Variants in ADAM23 observed in about 807,000 individuals in gnomAD.
ADAM23 encodes disintegrin and metalloproteinase domain-containing protein 23.
Under a neutral mutation model 120.1 loss-of-function variants are expected in ADAM23, and 33 were observed. The observed-to-expected ratio is 0.27, with a 90% confidence interval of 0.21 to 0.37. The LOEUF (loss-of-function observed/expected upper bound fraction) is 0.37. Among genes scored for constraint, ADAM23 ranks in the 10% least tolerant of loss-of-function variants. The pLI, the probability that ADAM23 is intolerant of heterozygous loss-of-function variation, is 1.00. For synonymous variants in ADAM23, 367 were observed against 375.2 expected (o/e 0.98, Z 0.25); for missense variants, 862 against 1,058.2 (o/e 0.81, Z 2.57).
intron 23 of ADAM23, among the ~76,000 whole-genome samples, chr2:206,595,676 T>C (rs1363381661): frequency 6.6e-6 from 1 of 152,232 alleles, no homozygotes; most frequent in Non-Finnish European, 1.5e-5. Flanking sequence ...AGTGGGTTCC[T>C]AGAAACAGTT....
intron 3 of ADAM23, among the ~76,000 whole-genome samples, chr2:206,508,668 AAAAAG>A (rs1216728747): frequency 7.8e-4 from 118 of 151,046 alleles, no homozygotes; most frequent in African/African-American, 2.4e-3. Context: ...AAAAAAAAAA[AAAAAG>A]AAAGAAAAAG....
chr2:206,550,576 G>A (rs1697493933), intron 9 of ADAM23, among the ~76,000 whole-genome samples: 1 of 149,744 alleles, frequency 6.7e-6, no homozygotes, highest in Non-Finnish European at 1.5e-5. Context: ...TATCTAAAGT[G>A]AATATCTTTG....
intron 18 of ADAM23, among the ~76,000 whole-genome samples, chr2:206,574,149 T>A (rs1327092960): frequency 6.6e-6 from 1 of 152,166 alleles, no homozygotes; most frequent in Non-Finnish European, 1.5e-5. Context: ...CAGAGGCACT[T>A]CTGCAGTGTT....
At chr2:206,467,611 T>C (rs1225419526) in intron 2 of ADAM23, among the ~76,000 whole-genome samples, 1 of 152,178 alleles carries the variant, frequency 6.6e-6, no homozygotes, top group African/African-American at 2.4e-5. Flanking sequence ...TGCCTGTGGC[T>C]TTTACAGGCA....
intron 3 of ADAM23, among the ~76,000 whole-genome samples, chr2:206,492,179 G>A (rs575376769): frequency 6.6e-6 from 1 of 152,298 alleles, no homozygotes; most frequent in African/African-American, 2.4e-5. Flanking sequence ...CATAGGAGGG[G>A]TACCTAACCC....
At chr2:206,571,044 T>C (rs1468011693) in intron 16 of ADAM23, among the ~76,000 whole-genome samples, 1 of 152,248 alleles carries the variant, frequency 6.6e-6, no homozygotes. Context: ...TAAAAATTTG[T>C]AGCTCATATT....
intron 24 of ADAM23, among the ~76,000 whole-genome samples, chr2:206,606,091 C>T (rs1698723710): frequency 6.6e-6 from 1 of 152,230 alleles, no homozygotes; most frequent in African/African-American, 2.4e-5. Context: ...TAACATAACA[C>T]TGGGTGTGCT....
intron 3 of ADAM23, among the ~76,000 whole-genome samples, chr2:206,525,215 G>T (rs145511090): frequency 6.6e-6 from 1 of 152,048 alleles, no homozygotes; most frequent in South Asian, 2.1e-4. Context: ...AGTTCTGCTG[G>T]TGAAGAAATG....
At chr2:206,545,347 G>A (rs530887213) in intron 6 of ADAM23, among the ~76,000 whole-genome samples, 17 of 152,226 alleles carry the variant, frequency 1.1e-4, no homozygotes, top group South Asian at 1.0e-3. Context: ...TTAGCTGGGC[G>A]TGGTGACGGG....
chr2:206,576,277 C>CT (rs1039416106), intron 18 of ADAM23, among the ~76,000 whole-genome samples: 3 of 151,006 alleles, frequency 2.0e-5, no homozygotes, highest in African/African-American at 7.3e-5. Context: ...GTTTTAAAAA[C>CT]TTCTGTGTAT....
intron 9 of ADAM23, 80 bp from the exon 10 acceptor site, chr2:206,557,347 G>T (rs1697666407): frequency 3.6e-6 from 4 of 1,100,354 alleles, no homozygotes; most frequent in Non-Finnish European, 5.6e-6. Flanking sequence ...CTATTACTGA[G>T]ATATTTCTGC....
At chr2:206,518,130 T>G (rs1472954580) in intron 3 of ADAM23, among the ~76,000 whole-genome samples, 1 of 152,202 alleles carries the variant, frequency 6.6e-6, no homozygotes, top group African/African-American at 2.4e-5. Flanking sequence ...TGTCTTAAAG[T>G]TCTGATTTAT....
Position 206,609,553 on chromosome 2 carries a change from G to C in ADAM23, c.2360-357G>C, listed in dbSNP as rs774597702. Among the ~76,000 whole-genome samples, 26 of 152,258 alleles carry C rather than the reference G, an allele frequency of 1.7e-4. No individual in the cohort carries two copies. The South Asian group carries it at 2.7e-3, about 16-fold the overall frequency. On this transcript the variant is annotated intron_variant, in intron 24 of 25. Coordinates refer to ENST00000264377, the MANE Select transcript of ADAM23 (RefSeq NM_003812.4). ...AGTCAGATGGAGCTTGTCTGAATGC[G>C]ATGGTGTTCTCTCTGTGCTTTTACT...
intron 25 of ADAM23, among the ~76,000 whole-genome samples, chr2:206,614,415 C>CAGCACTTTGGT (rs3836087): frequency 0.85 from 129,321 of 151,878 alleles, 55,297 homozygotes; most frequent in African/African-American, 0.92. Context: ...CCTGTAATCC[C>CAGCACTTTGGT]AGGCTGAGGT....
Position 206,445,360 on chromosome 2 carries a change from G to C in ADAM23, c.268G>C (p.Asp90His). Residue 90 changes from aspartate (D) to histidine (H), a missense_variant, in exon 2 of 26, where the codon GAC becomes CAC. Physicochemically the swap from Asp to His is moderately conservative, Grantham distance 81. This residue lies in a region of ADAM23 where 225 missense variants were observed against 204.0 expected (regional missense o/e 1.10). Transcript: ENST00000264377. ...EKNLGVLADE[D>H]NTLQQNSSSN... Reference sequence around the variant, plus strand: ...AAATTTGGGAGTCCTGGCAGATGAAGACAATACATTGCAACAGAATAGCAG... The same window carrying C: ...AAATTTGGGAGTCCTGGCAGATGAACACAATACATTGCAACAGAATAGCAG... 1 of 1,614,024 alleles carries C rather than the reference G, an allele frequency of 6.2e-7. No homozygotes were observed. Among genetic ancestry groups the C allele is most frequent in the Non-Finnish European group, 8.5e-7 (1 of 1,179,998 alleles).
chr2:206,531,335 G>C (rs1191852883), intron 4 of ADAM23, among the ~76,000 whole-genome samples: 4 of 152,298 alleles, frequency 2.6e-5, no homozygotes, highest in Non-Finnish European at 4.4e-5. Context: ...AAGAAGGGCA[G>C]AGGACAGGTG....
intron 3 of ADAM23, among the ~76,000 whole-genome samples, chr2:206,528,830 T>C (rs894232545): frequency 3.9e-5 from 6 of 152,338 alleles, no homozygotes; most frequent in Admixed American, 6.5e-5. Context: ...GACCCAAGTT[T>C]AGAGCATACA....
At chr2:206,497,682 G>A (rs1248296018) in intron 3 of ADAM23, among the ~76,000 whole-genome samples, 2 of 152,098 alleles carry the variant, frequency 1.3e-5, no homozygotes, top group African/African-American at 4.8e-5. Context: ...GGAATAAAGG[G>A]CATTCAATTA....
intron 2 of ADAM23, among the ~76,000 whole-genome samples, chr2:206,456,017 T>C (rs1328228438): frequency 2.6e-5 from 4 of 152,230 alleles, no homozygotes; most frequent in Non-Finnish European, 4.4e-5. Flanking sequence ...CATTTTCCGG[T>C]TTCTTTATAA....
Sources: allele counts gnomAD v4.1 joint callset (sites outside exome capture counted in the v4.1 genomes callset), GRCh38; gene constraint gnomAD v4.1.1; regional missense constraint gnomAD v4.1.1; transcripts MANE v1.5; gene names NCBI Gene and HGNC (gene_info 2026-07-23, HGNC 2026-07-21).